The following TNFRSF18 variants were observed in gnomAD, a reference collection of about 807,000 sequenced individuals.
The protein encoded by TNFRSF18 is TNF receptor superfamily member 18, also known as tumor necrosis factor receptor superfamily member 18.
Under a neutral mutation model 30.2 loss-of-function variants are expected in TNFRSF18, and 36 were observed. The observed-to-expected ratio is 1.19, with a 90% confidence interval of 0.91 to 1.58. The LOEUF is 1.58. Among genes scored for constraint, TNFRSF18 ranks in the 40% most tolerant of loss-of-function variants. The probability of loss-of-function intolerance (pLI) is 0.00; values close to 1 mark genes in which losing one functional copy is unlikely to be tolerated. For synonymous variants in TNFRSF18, 173 were observed against 158.3 expected, an observed-to-expected ratio of 1.09 and a Z score of -0.70; for missense variants, 369 against 345.4, an observed-to-expected ratio of 1.07 and a Z score of -0.54.
intron 3 of TNFRSF18, 57 bp downstream of exon 3, chr1:1,204,342 C>G (rs1343272044): frequency 6.3e-7 from 1 of 1,599,272 alleles, no homozygotes; most frequent in Non-Finnish European, 8.5e-7. Context: ...GGAGAGGACC[C>G]TTCCTCAGAG....
intron 3 of TNFRSF18, 35 bp from the exon 4 acceptor site, chr1:1,204,271 C>G (rs779555120): frequency 6.3e-6 from 10 of 1,596,868 alleles, no homozygotes; most frequent in Non-Finnish European, 8.5e-6. Flanking sequence ...TATCAGCCCC[C>G]GGACACGGCC....
In TNFRSF18 at chr1:1,204,184, C is replaced by T. The variant is rs1557498884; in HGVS notation, c.451G>A (p.Ala151Thr). ...GGCGGGGACCCTGGGACGCACACAG[C>T]GTTGTGGGTCTTGTTCCCAGGGAAC... is the stretch of plus-strand genomic sequence containing the variant. ...TVFPGNKTHNAVCVPGSPPAE... is the reference protein window; with the variant it reads ...TVFPGNKTHNTVCVPGSPPAE... Residue 151 changes from alanine to threonine, a missense_variant, in exon 4 of 5, where the codon GCT becomes ACT. Coordinates refer to ENST00000379268, the MANE Select transcript of TNFRSF18 (RefSeq NM_004195.3). The T allele has an allele frequency of 5.0e-6, 8 of 1,612,120 alleles. No homozygotes were observed. The highest frequency in any genetic ancestry group is 2.2e-5 in the South Asian group (2 of 90,988).
chr1:1,204,677 G>C (rs965998226), intron 2 of TNFRSF18, among the ~76,000 whole-genome samples, 191 bp from the exon 3 acceptor site: 5 of 152,218 alleles, frequency 3.3e-5, no homozygotes, highest in African/African-American at 1.2e-4. Flanking sequence ...CCCAGGTGGG[G>C]CGTCTGGGGT....
Position 1,205,282 on chromosome 1 carries a change from G to A in TNFRSF18, c.310+88C>T, listed in dbSNP as rs1000679655. On this transcript the variant is annotated intron_variant, in intron 2 of 4. Coordinates refer to ENST00000379268, the MANE Select transcript of TNFRSF18 (RefSeq NM_004195.3). The stretch of plus-strand genomic sequence containing the variant: ...CGGACCCCACACACCACATGTCCTC[G>A]CCGGACACCTGTGCCCACGAGCTCT... The A allele has an allele frequency of 1.5e-5, 23 of 1,539,392 alleles. No individual in the cohort carries two copies. The East Asian group carries it at 3.7e-4, about 25-fold the overall frequency.
Position 1,206,578 on chromosome 1 carries a change from GT to G in TNFRSF18, c.-8del. 1 of 1,485,350 alleles carries G rather than the reference GT, an allele frequency of 6.7e-7. No homozygotes were observed. Among genetic ancestry groups the G allele is most frequent in the Non-Finnish European group, 8.9e-7 (1 of 1,123,344 alleles). 92.0% of individuals were successfully genotyped at this position (1,485,350 alleles called of 1,614,324 possible). Reference sequence around the variant, plus strand: ...TCGCCCCGTGCTGTGCCATGCTCGGGTTTCAAGAGCCCACAGCCAGTTGGAC... The same window carrying G: ...TCGCCCCGTGCTGTGCCATGCTCGGGTTCAAGAGCCCACAGCCAGTTGGAC... On this transcript the variant is annotated 5_prime_UTR_variant, in exon 1 of 5. Transcript: ENST00000379268.
At position 1,203,672 on chromosome 1, in the gene TNFRSF18, C is replaced by T. The variant is rs373693751; in HGVS notation, c.*172G>A. ...CTCTCTCCCTCCTGCAGGGCCCAGC[C>T]GCGGCCGCCGAACTGCATGGTCCAG... is the stretch of plus-strand genomic sequence containing the variant. On this transcript the variant is annotated 3_prime_UTR_variant, in exon 5 of 5. Transcript: ENST00000379268. The T allele has an allele frequency of 4.5e-6, 7 of 1,548,530 alleles. No individual in the cohort carries two copies. The highest frequency in any genetic ancestry group is 1.4e-5 in the African/African-American group (1 of 73,516).
chr1:1,205,304 C>T (rs1209172857), intron 2 of TNFRSF18, 66 bp downstream of exon 2: 1 of 1,568,214 alleles, frequency 6.4e-7, no homozygotes, highest in Non-Finnish European at 8.6e-7. Flanking sequence ...TGCCCACGAG[C>T]TCTGCCTCGG....
In TNFRSF18 at chr1:1,205,424, A is replaced by G. The variant is rs749557073; in HGVS notation, c.256T>C (p.Cys86Arg). ...QPEFHCGDPC[C>R]TTCRHHPCPP... ...CAAGGGTGGTGCCGGCAGGTCGTGCAGCAAGGGTCTCCGCAGTGGAATTCA... is the reference window on the plus strand; with the variant it reads ...CAAGGGTGGTGCCGGCAGGTCGTGCGGCAAGGGTCTCCGCAGTGGAATTCA... The change falls in exon 2 of 5, where the codon TGC becomes CGC. Residue 86 changes from cysteine (C) to arginine (R), a missense_variant. Coordinates refer to ENST00000379268, the MANE Select transcript of TNFRSF18 (RefSeq NM_004195.3). 1 of 1,612,544 alleles carries G rather than the reference A, an allele frequency of 6.2e-7. No individual in the cohort carries two copies. The highest frequency in any genetic ancestry group is 8.5e-7 in the Non-Finnish European group (1 of 1,179,868).
At chr1:1,205,640 G>A in intron 1 of TNFRSF18, 148 bp from the exon 2 acceptor site, 2 of 812,312 alleles carry the variant, frequency 2.5e-6, no homozygotes, top group Non-Finnish European at 1.9e-6. Context: ...TGGGAGTCTG[G>A]ACCCTGGGTT....
chr1:1,205,698 C>G (rs539373879), intron 1 of TNFRSF18: 1 of 591,468 alleles, frequency 1.7e-6, no homozygotes, highest in African/African-American at 1.9e-5. Flanking sequence ...GGCTACTCCC[C>G]CTTTGCGCCC....
At position 1,203,880 on chromosome 1, in the gene TNFRSF18, T is replaced by C; in HGVS notation, c.690A>G (p.Ala230=). The C allele has an allele frequency of 6.2e-7, 1 of 1,603,646 alleles. No homozygotes were observed. Among genetic ancestry groups the C allele is most frequent in the Non-Finnish European group, 8.5e-7 (1 of 1,178,486 alleles). Reference sequence around the variant, plus strand: ...GGTCTCCCAGCCGCCCCTTCTCCTCTGCCGATCGCTCGCCCCGCTCTTCCT... The same window carrying C: ...GGTCTCCCAGCCGCCCCTTCTCCTCCGCCGATCGCTCGCCCCGCTCTTCCT... ...FPEEERGERS[A]EEKGRLGDLW... Residue 230 remains alanine (A), a synonymous_variant, in exon 5 of 5, where the codon GCA becomes GCG. Coordinates refer to ENST00000379268, the MANE Select transcript of TNFRSF18 (RefSeq NM_004195.3).
At position 1,205,533 on chromosome 1, in the gene TNFRSF18, G is replaced by A. The variant is rs1327639704; in HGVS notation, c.188-41C>T. 1.9e-6 allele frequency: 3 copies of A among 1,595,056 alleles called. No individual in the cohort carries two copies. The South Asian group carries it at 3.4e-5, about 18-fold the overall frequency. On this transcript the variant is annotated intron_variant, in intron 1 of 4. Coordinates refer to ENST00000379268, the MANE Select transcript of TNFRSF18 (RefSeq NM_004195.3). ...GCCAGCCCCCCAGCAGCTGGGCTGA[G>A]GCCCCCTCCTCCCCAGGCCTCCCCT...
In TNFRSF18 at chr1:1,203,856, G is replaced by T; in HGVS notation, c.714C>A (p.Asp238Glu). The T allele has an allele frequency of 6.3e-7, 1 of 1,594,882 alleles. No homozygotes were observed. The highest frequency in any genetic ancestry group is 1.1e-5 in the South Asian group (1 of 89,198). Residue 238 changes from aspartate (D) to glutamate (E), a missense_variant, in exon 5 of 5, where the codon GAC (aspartate) becomes GAA (glutamate). Coordinates refer to ENST00000379268, the MANE Select transcript of TNFRSF18 (RefSeq NM_004195.3). ...AGGACGGCCAGGCTCACACCCACAG[G>T]TCTCCCAGCCGCCCCTTCTCCTCTG... ...RSAEEKGRLGDLWV is the reference protein window; with the variant it reads ...RSAEEKGRLGELWV
chr1:1,205,512 GC>G lies in TNFRSF18; in HGVS notation c.188-21del, dbSNP rs753866291. The G allele has an allele frequency of 1.2e-6, 2 of 1,606,622 alleles. No individual in the cohort carries two copies. Among genetic ancestry groups the G allele is most frequent in the Admixed American group, 1.7e-5 (1 of 59,696 alleles). ...CCTCGCCTGGGCAGGAGACAGGCCA[GC>G]CCCCCAGCAGCTGGGCTGAGGCCCC... On this transcript the variant is annotated intron_variant, in intron 1 of 4. Coordinates refer to ENST00000379268, the MANE Select transcript of TNFRSF18 (RefSeq NM_004195.3).
At position 1,203,902 on chromosome 1, in the gene TNFRSF18, T is replaced by G. The variant is rs1648663225; in HGVS notation, c.668A>C (p.Glu223Ala). The change falls in exon 5 of 5, where the codon GAA becomes GCA. Residue 223 changes from glutamate to alanine, a missense_variant. Transcript: ENST00000379268. ...CTCTGCCGATCGCTCGCCCCGCTCT[T>G]CCTCGGGGAACTGGCAGCTTCTGGC... ...EDARSCQFPE[E>A]ERGERSAEEK... 1 of 1,607,156 alleles carries G rather than the reference T, an allele frequency of 6.2e-7. No individual in the cohort carries two copies. The highest frequency in any genetic ancestry group is 1.3e-5 in the African/African-American group (1 of 74,902).
At chr1:1,205,850 G>A (rs1648797801) in intron 1 of TNFRSF18, among the ~76,000 whole-genome samples, 1 of 152,224 alleles carries the variant, frequency 6.6e-6, no homozygotes, top group Non-Finnish European at 1.5e-5. Context: ...TCTGGGCGCT[G>A]CTGTCCCCAC....
chr1:1,205,911 C>T lies in TNFRSF18; in HGVS notation c.188-419G>A, dbSNP rs577616106. 9.8e-5 allele frequency among the ~76,000 whole-genome samples: 15 copies of T among 152,344 alleles called. No homozygotes were observed. The East Asian group carries it at 2.9e-3, about 29-fold the overall frequency. On this transcript the variant is annotated intron_variant, in intron 1 of 4. Transcript: ENST00000379268. ...AGAGCCTCCCTTCCCAACCCACAGG[C>T]CCTGGAGGAAGAAGCTCTGGGGTGA...
At position 1,203,862 on chromosome 1, in the gene TNFRSF18, C is replaced by T. The variant is rs1249958340; in HGVS notation, c.708G>A (p.Leu236=). 1.9e-6 allele frequency: 3 copies of T among 1,596,892 alleles called. No individual in the cohort carries two copies. Among genetic ancestry groups the T allele is most frequent in the African/African-American group, 1.3e-5 (1 of 74,850 alleles). The change falls in exon 5 of 5, where the codon CTG becomes CTA. Residue 236 remains leucine, a synonymous_variant. Transcript: ENST00000379268. The part of the protein sequence containing the change: ...GERSAEEKGR[L]GDLWV Reference sequence around the variant, plus strand: ...GCCAGGCTCACACCCACAGGTCTCCCAGCCGCCCCTTCTCCTCTGCCGATC... The same window carrying T: ...GCCAGGCTCACACCCACAGGTCTCCTAGCCGCCCCTTCTCCTCTGCCGATC...
At chr1:1,205,301 G>A (rs1317438119) in intron 2 of TNFRSF18, 69 bp downstream of exon 2, 7 of 1,564,362 alleles carry the variant, frequency 4.5e-6, no homozygotes, top group African/African-American at 2.7e-5. Flanking sequence ...CTGTGCCCAC[G>A]AGCTCTGCCT....
Sources: allele counts gnomAD v4.1 joint callset (sites outside exome capture counted in the v4.1 genomes callset), GRCh38; gene constraint gnomAD v4.1.1; transcripts MANE v1.5; gene names NCBI Gene and HGNC (gene_info 2026-07-23, HGNC 2026-07-21).